Variants in SLC14A2 observed in about 807,000 individuals in gnomAD.
The protein encoded by SLC14A2 is urea transporter 2.
SLC14A2 carries 91 observed loss-of-function variants against 104.6 expected under a neutral mutation model. That is an observed-to-expected ratio of 0.87 (90% confidence interval 0.73 to 1.04). The LOEUF (loss-of-function observed/expected upper bound fraction) is 1.04. Among genes scored for constraint, SLC14A2 ranks in the 50% least tolerant of loss-of-function variants. The pLI, the probability that SLC14A2 is intolerant of heterozygous loss-of-function variation, is 0.00. For missense variants in SLC14A2, 1,189 were observed against 1,156.0 expected (o/e 1.03, Z -0.41); for synonymous variants, 476 against 466.4 (o/e 1.02, Z -0.27).
At chr18:45,214,271 T>C (rs2083987904) in intron 1 of SLC14A2, among the ~76,000 whole-genome samples, 1 of 152,226 alleles carries the variant, frequency 6.6e-6, no homozygotes, top group African/African-American at 2.4e-5. Context: ...TGGGTTTGTT[T>C]TGGCAACAGT....
intron 1 of SLC14A2, among the ~76,000 whole-genome samples, chr18:45,391,389 T>C (rs898374881): frequency 2.6e-5 from 4 of 152,238 alleles, no homozygotes; most frequent in African/African-American, 9.6e-5. Flanking sequence ...TAAACATACG[T>C]ATGCATGTGT....
intron 2 of SLC14A2, among the ~76,000 whole-genome samples, chr18:45,606,627 T>G (rs1040046051): frequency 2.0e-5 from 3 of 151,522 alleles, no homozygotes; most frequent in Middle Eastern, 3.2e-3. Context: ...CATATGCCCA[T>G]GACCTTACTT....
intron 1 of SLC14A2, chr18:45,447,418 GT>G (rs1461193875): frequency 2.0e-5 from 3 of 152,148 alleles, no homozygotes. Context: ...GCACTACCAT[GT>G]TTGGGTTGCT....
intron 1 of SLC14A2, among the ~76,000 whole-genome samples, chr18:45,263,737 G>A (rs773567461): frequency 1.3e-5 from 2 of 152,132 alleles, no homozygotes; most frequent in Non-Finnish European, 2.9e-5. Flanking sequence ...AGGTCATTGA[G>A]AGCTCCTTCA....
At chr18:45,673,144 A>T (rs2046170184) in intron 17 of SLC14A2, 97 bp downstream of exon 17, 3 of 1,161,082 alleles carry the variant, frequency 2.6e-6, no homozygotes, top group South Asian at 1.4e-5. Context: ...CCACCTGCTG[A>T]TTCCTGTGAA....
chr18:45,305,485 A>G (rs560628316), intron 1 of SLC14A2, among the ~76,000 whole-genome samples: 181 of 152,242 alleles, frequency 1.2e-3, no homozygotes, highest in Non-Finnish European at 2.3e-3. Flanking sequence ...GATGGGTTTT[A>G]TTATTAATAT....
chr18:45,485,796 G>A (rs1183855869), intron 2 of SLC14A2, among the ~76,000 whole-genome samples: 1 of 152,116 alleles, frequency 6.6e-6, no homozygotes, highest in East Asian at 1.9e-4. Flanking sequence ...GGTTTGCAGT[G>A]TAAAGTCTTT....
chr18:45,617,847 A>G (rs902996683), intron 1 of SLC14A2, among the ~76,000 whole-genome samples: 15 of 152,170 alleles, frequency 9.9e-5, no homozygotes, highest in African/African-American at 3.6e-4. Context: ...TCCTTTCAGA[A>G]TGATGCTGTC....
chr18:45,576,854 AAC>A (rs2044425330), intron 2 of SLC14A2, among the ~76,000 whole-genome samples: 1 of 152,182 alleles, frequency 6.6e-6, no homozygotes, highest in Admixed American at 6.5e-5. Flanking sequence ...CCACATGGGA[AAC>A]ACAGGCACCA....
At chr18:45,209,027 T>A (rs2083938142), upstream of SLC14A2, among the ~76,000 whole-genome samples, 2 of 144,352 alleles carry the variant, frequency 1.4e-5, no homozygotes, top group Non-Finnish European at 1.5e-5. Context: ...AACAGGCATT[T>A]AAAAAAAAAA....
chr18:45,632,692 G>A (rs2045364474), intron 5 of SLC14A2, among the ~76,000 whole-genome samples: 1 of 152,120 alleles, frequency 6.6e-6, no homozygotes, highest in African/African-American at 2.4e-5. Context: ...TTTTTTGTTT[G>A]TTTGACACAG....
At chr18:45,608,385 C>T (rs1001489429) in intron 2 of SLC14A2, among the ~76,000 whole-genome samples, 22 of 152,212 alleles carry the variant, frequency 1.4e-4, no homozygotes, top group African/African-American at 5.1e-4. Flanking sequence ...CCTTACAAGG[C>T]AGTTCTCACC....
chr18:45,658,980 G>A (rs1037939051), intron 10 of SLC14A2, among the ~76,000 whole-genome samples: 1 of 152,134 alleles, frequency 6.6e-6, no homozygotes, highest in South Asian at 2.1e-4. Context: ...GGCAATCCTC[G>A]AGGGCAGGGA....
chr18:45,324,381 A>G lies in SLC14A2; in HGVS notation c.-125+111190A>G, dbSNP rs145747613. On this transcript the variant is annotated intron_variant, in intron 1 of 20. Transcript: ENST00000586448. ...CAAGCAATCGCCAACGATTATTTTA[A>G]GCAAGATTCACATCTCTAAGTCCTT... 8.3e-3 allele frequency among the ~76,000 whole-genome samples: 1,262 copies of G among 152,296 alleles called. 10 individuals are homozygous for G. The highest frequency in any genetic ancestry group is 0.011 in the Non-Finnish European group (766 of 68,024).
chr18:45,203,526 A>G, the SLC14A2 span, among the ~76,000 whole-genome samples: 2 of 152,240 alleles, frequency 1.3e-5, no homozygotes, highest in African/African-American at 2.4e-5. Context: ...AAATAAAAAT[A>G]CAACACTGTG....
chr18:45,530,303 T>G (rs1344271306), intron 2 of SLC14A2, among the ~76,000 whole-genome samples: 1 of 152,198 alleles, frequency 6.6e-6, no homozygotes, highest in Admixed American at 6.5e-5. Flanking sequence ...CAGAGATTAT[T>G]TCCTCCTTAC....
At chr18:45,471,661 T>C (rs1432160443) in intron 1 of SLC14A2, among the ~76,000 whole-genome samples, 1 of 152,146 alleles carries the variant, frequency 6.6e-6, no homozygotes, top group African/African-American at 2.4e-5. Context: ...TAAGTCTGTT[T>C]TTGTGTCTTG....
intron 1 of SLC14A2, among the ~76,000 whole-genome samples, chr18:45,378,428 T>C (rs1241694006): frequency 6.6e-6 from 1 of 152,186 alleles, no homozygotes; most frequent in Non-Finnish European, 1.5e-5. Context: ...CCTATCTCTA[T>C]TGAAAACTGA....
intron 2 of SLC14A2, among the ~76,000 whole-genome samples, chr18:45,550,572 T>A (rs1018493462): frequency 2.0e-5 from 3 of 152,130 alleles, no homozygotes; most frequent in African/African-American, 7.2e-5. Flanking sequence ...TCCTAACAGA[T>A]AAATGAATGG....
Sources: allele counts gnomAD v4.1 joint callset (sites outside exome capture counted in the v4.1 genomes callset), GRCh38; gene constraint gnomAD v4.1.1; transcripts MANE v1.5; gene names NCBI Gene and HGNC (gene_info 2026-07-23, HGNC 2026-07-21).